The following LRP1B variants were observed in gnomAD, a reference collection of about 807,000 sequenced individuals.
LRP1B encodes the protein LDL receptor related protein 1B.
A neutral mutation model predicts 556.6 loss-of-function variants in LRP1B; 217 were observed. The observed-to-expected ratio is 0.39, with a 90% CI of 0.35 to 0.44. LRP1B has a LOEUF of 0.44. LRP1B is among the 20% of genes least tolerant of loss of function. The pLI is 1.00. For missense variants in LRP1B, 5,053 were observed against 5,620.8 expected, an observed-to-expected ratio of 0.90 and a Z score of 3.23; for synonymous variants, 2,047 against 1,865.8, an observed-to-expected ratio of 1.10 and a Z score of -2.50.
intron 2 of LRP1B, among the ~76,000 whole-genome samples, chr2:141,715,682 G>T (rs1280409885): frequency 1.3e-5 from 2 of 152,042 alleles, no homozygotes; most frequent in African/African-American, 2.4e-5. Flanking sequence ...GGGCATTGTG[G>T]TGGGTGCCTA....
chr2:142,004,290 A>G (rs1173176056), intron 1 of LRP1B, among the ~76,000 whole-genome samples: 1 of 152,152 alleles, frequency 6.6e-6, no homozygotes, highest in Admixed American at 6.5e-5. Context: ...CTGGGTGCTA[A>G]GGAAAATTAG....
chr2:141,456,563 T>C (rs1036892335), intron 3 of LRP1B, among the ~76,000 whole-genome samples: 1 of 152,204 alleles, frequency 6.6e-6, no homozygotes, highest in African/African-American at 2.4e-5. Context: ...AAATACATTA[T>C]AGATATTCAT....
At chr2:141,463,486 T>C (rs1267372476) in intron 3 of LRP1B, among the ~76,000 whole-genome samples, 1 of 146,000 alleles carries the variant, frequency 6.8e-6, no homozygotes, top group Non-Finnish European at 1.5e-5. Flanking sequence ...AGCCTAGATT[T>C]CAAAAAGAAT....
intron 46 of LRP1B, among the ~76,000 whole-genome samples, chr2:140,535,411 T>C (rs1470592388): frequency 6.6e-6 from 1 of 152,182 alleles, no homozygotes; most frequent in Non-Finnish European, 1.5e-5. Context: ...ACATCAATTA[T>C]GGACAAATTA....
intron 5 of LRP1B, among the ~76,000 whole-genome samples, chr2:141,232,650 T>C (rs963720778): frequency 6.6e-6 from 1 of 152,184 alleles, no homozygotes; most frequent in African/African-American, 2.4e-5. Context: ...TTAATTGTTT[T>C]AGTGAAAAAC....
At chr2:141,187,637 C>G (rs1681316168) in intron 7 of LRP1B, among the ~76,000 whole-genome samples, 1 of 151,988 alleles carries the variant, frequency 6.6e-6, no homozygotes, top group South Asian at 2.1e-4. Flanking sequence ...TCCTGGCCCT[C>G]TAATAATACC....
At chr2:140,574,893 G>A (rs1461026567) in intron 43 of LRP1B, among the ~76,000 whole-genome samples, 3 of 152,128 alleles carry the variant, frequency 2.0e-5, no homozygotes, top group Non-Finnish European at 2.9e-5. Context: ...TGTAATATGT[G>A]ATAAAAAAGA....
chr2:141,042,625 T>A (rs1698734916), intron 11 of LRP1B, among the ~76,000 whole-genome samples: 1 of 152,054 alleles, frequency 6.6e-6, no homozygotes, highest in Non-Finnish European at 1.5e-5. Flanking sequence ...CCTGTCTGAG[T>A]CTCAATTTCC....
At chr2:140,319,179 G>A (rs933359534) in intron 82 of LRP1B, among the ~76,000 whole-genome samples, 4 of 152,078 alleles carry the variant, frequency 2.6e-5, no homozygotes, top group Non-Finnish European at 4.4e-5. Context: ...TGTAGAAGAG[G>A]TTGTGGAAAC....
At chr2:141,806,945 T>C (rs1696185788) in intron 2 of LRP1B, among the ~76,000 whole-genome samples, 1 of 152,208 alleles carries the variant, frequency 6.6e-6, no homozygotes, top group African/African-American at 2.4e-5. Flanking sequence ...AACTATTGCA[T>C]CGGCTGTTTT....
At chr2:141,520,149 C>G (rs1684479059) in intron 2 of LRP1B, among the ~76,000 whole-genome samples, 2 of 152,096 alleles carry the variant, frequency 1.3e-5, no homozygotes, top group Admixed American at 1.3e-4. Flanking sequence ...ATTCATGGCT[C>G]TTTCAGTCTG....
At chr2:140,282,799 C>T (rs1682969618) in intron 84 of LRP1B, among the ~76,000 whole-genome samples, 1 of 151,754 alleles carries the variant, frequency 6.6e-6, no homozygotes. Flanking sequence ...GTTTGTCTCT[C>T]TATCTATGGA....
intron 41 of LRP1B, among the ~76,000 whole-genome samples, chr2:140,667,237 C>T (rs1685310313): frequency 1.3e-5 from 2 of 152,244 alleles, no homozygotes; most frequent in South Asian, 2.1e-4. Flanking sequence ...AAATGCAGCG[C>T]AGAGAATCCA....
intron 1 of LRP1B, among the ~76,000 whole-genome samples, chr2:142,051,638 G>C (rs1448321798): frequency 6.6e-6 from 1 of 151,846 alleles, no homozygotes; most frequent in Non-Finnish European, 1.5e-5. Context: ...CTCCATGCCA[G>C]CTAATTTTTT....
intron 41 of LRP1B, among the ~76,000 whole-genome samples, chr2:140,613,170 T>C (rs1257250411): frequency 6.7e-6 from 1 of 148,896 alleles, no homozygotes; most frequent in East Asian, 2.0e-4. Context: ...GCAGGCACAT[T>C]AAAGGGGTCT....
At chr2:140,505,321 G>A (rs775473911) in intron 53 of LRP1B, among the ~76,000 whole-genome samples, 1 of 152,204 alleles carries the variant, frequency 6.6e-6, no homozygotes, top group East Asian at 1.9e-4. Context: ...CTTGAACCCA[G>A]GCTCTCCAGC....
intron 2 of LRP1B, among the ~76,000 whole-genome samples, chr2:141,544,021 A>AT (rs1386354791): frequency 6.6e-6 from 1 of 152,010 alleles, no homozygotes; most frequent in Non-Finnish European, 1.5e-5. Flanking sequence ...AGTTGATAAC[A>AT]TTTTTCTAAA....
At chr2:141,937,948 T>C (rs1015575038) in intron 1 of LRP1B, among the ~76,000 whole-genome samples, 7 of 152,212 alleles carry the variant, frequency 4.6e-5, no homozygotes, top group African/African-American at 1.7e-4. Flanking sequence ...TTAGAGATTA[T>C]CTTTTTTCTC....
chr2:141,448,081 G>C (rs1451356767), intron 3 of LRP1B, among the ~76,000 whole-genome samples: 1 of 152,186 alleles, frequency 6.6e-6, no homozygotes, highest in Non-Finnish European at 1.5e-5. Flanking sequence ...ATCCTGACTG[G>C]GGCTGCTGCC....
Sources: allele counts gnomAD v4.1 joint callset (sites outside exome capture counted in the v4.1 genomes callset), GRCh38; gene constraint gnomAD v4.1.1; transcripts MANE v1.5; gene names NCBI Gene and HGNC (gene_info 2026-07-23, HGNC 2026-07-21).